The following PAN3 variants were observed in gnomAD, a reference collection of about 807,000 sequenced individuals.
PAN3 encodes PAN2-PAN3 deadenylation complex subunit PAN3.
Under a neutral mutation model 96.2 loss-of-function variants are expected in PAN3, and 19 were observed. That is an observed-to-expected ratio of 0.20 (90% CI 0.14 to 0.29). PAN3 has a LOEUF of 0.29. PAN3 is among the 10% of genes least tolerant of loss of function. PAN3 has a pLI of 1.00. For missense variants in PAN3, 882 were observed against 1,108.1 expected, an observed-to-expected ratio of 0.80 and a Z score of 2.90; for synonymous variants, 433 against 406.6, an observed-to-expected ratio of 1.06 and a Z score of -0.78.
At chr13:28,160,203 A>G (rs946847444) in intron 1 of PAN3, among the ~76,000 whole-genome samples, 4 of 152,104 alleles carry the variant, frequency 2.6e-5, no homozygotes, top group African/African-American at 9.7e-5. Context: ...CCCCCTCCCA[A>G]AGTGTTGGGA....
At chr13:28,248,056 A>G (rs1021021900) in intron 6 of PAN3, among the ~76,000 whole-genome samples, 1 of 152,054 alleles carries the variant, frequency 6.6e-6, no homozygotes, top group African/African-American at 2.4e-5. Flanking sequence ...TGAGCATGGG[A>G]TATGTTTCAC....
At chr13:28,272,164 T>C in intron 14 of PAN3, 93 bp downstream of exon 14, 1 of 862,782 alleles carries the variant, frequency 1.2e-6, no homozygotes, top group Non-Finnish European at 1.7e-6. Context: ...TAAGCCTAGA[T>C]TTTAATTTAT....
chr13:28,284,215 TTATGTTC>T (rs1284538668), intron 17 of PAN3, among the ~76,000 whole-genome samples: 1 of 152,160 alleles, frequency 6.6e-6, no homozygotes, highest in Non-Finnish European at 1.5e-5. Flanking sequence ...AAATGCAGTT[TTATGTTC>T]TATGTACTCT....
intron 12 of PAN3, 116 bp downstream of exon 12, chr13:28,267,517 T>A: frequency 1.2e-6 from 1 of 843,116 alleles, no homozygotes; most frequent in Non-Finnish European, 1.8e-6. Flanking sequence ...GTTTAAAGAC[T>A]CTATTACATT....
intron 5 of PAN3, 109 bp from the exon 6 acceptor site, chr13:28,220,122 A>G (rs1881245242): frequency 1.9e-6 from 2 of 1,061,612 alleles, no homozygotes. Context: ...TAATCCTTTC[A>G]ATAATATATT....
chr13:28,224,335 CTGTA>C (rs1881767589), intron 6 of PAN3, among the ~76,000 whole-genome samples: 1 of 152,158 alleles, frequency 6.6e-6, no homozygotes, highest in South Asian at 2.1e-4. Context: ...TTGAAAGTGA[CTGTA>C]AGTGCAGCAG....
At chr13:28,217,850 T>TA (rs397701068) in intron 5 of PAN3, among the ~76,000 whole-genome samples, 14 of 151,604 alleles carry the variant, frequency 9.2e-5, no homozygotes, top group Admixed American at 4.6e-4. Flanking sequence ...TAGTTTTTTT[T>TA]ATTTCTATTT....
rs752637077 is a variant in PAN3 at position 28,280,494 on chromosome 13, G to A, written c.2272G>A (p.Asp758Asn). 3 of 1,613,344 alleles carry A rather than the reference G, an allele frequency of 1.9e-6. No individual in the cohort carries two copies. The highest frequency in any genetic ancestry group is 2.5e-6 in the Non-Finnish European group (3 of 1,179,804). Residue 758 changes from aspartate (D) to asparagine (N), a missense_variant, in exon 16 of 19, where the codon GAT becomes AAT. Coordinates refer to ENST00000380958, the MANE Select transcript of PAN3 (RefSeq NM_175854.8). ...MIGARFYTQL[D>N]AAQMRNDVIE... ...TGGTGCTCGATTTTATACTCAATTG[G>A]ATGCTGCTCAAATGAGAAATGATGT...
At chr13:28,215,057 T>A in intron 5 of PAN3, 1 of 1,061,302 alleles carries the variant, frequency 9.4e-7, no homozygotes, top group Non-Finnish European at 1.4e-6. Flanking sequence ...TTAATAAAAT[T>A]GGCTACAATC....
chr13:28,226,272 C>T lies in PAN3; in HGVS notation c.1000+5894C>T, dbSNP rs190928754. Among the ~76,000 whole-genome samples the T allele has an allele frequency of 5.3e-5, 8 of 152,206 alleles. No individual in the cohort carries two copies. The East Asian group carries it at 1.5e-3, about 29-fold the overall frequency. ...CCATATTTATATGGTTCTTAAATAT[C>T]ACCAGTTTTAATAAACATAACAGAT... On this transcript the variant is annotated intron_variant, in intron 6 of 18. Transcript: ENST00000380958.
At chr13:28,241,536 G>T (rs762536453) in intron 6 of PAN3, among the ~76,000 whole-genome samples, 1 of 152,174 alleles carries the variant, frequency 6.6e-6, no homozygotes, top group Non-Finnish European at 1.5e-5. Context: ...AGTGGTGGTG[G>T]CAGGGGTGGG....
Position 28,197,247 on chromosome 13 carries a change from A to G in PAN3, c.753A>G (p.Arg251=), listed in dbSNP as rs1391455194. 6.2e-7 allele frequency: 1 copy of G among 1,613,542 alleles called. No individual in the cohort carries two copies. Among genetic ancestry groups the G allele is most frequent in the East Asian group, 2.2e-5 (1 of 44,838 alleles). Residue 251 remains arginine (R), a synonymous_variant, in exon 5 of 19, where the codon CGA becomes CGG. Coordinates refer to ENST00000380958, the MANE Select transcript of PAN3 (RefSeq NM_175854.8). ...TAGTTCCGATGGGATCAAAGGCACG[A>G]AAAGCAAAGAACCCTATTGGCTGCC... ...ERLVPMGSKA[R]KAKNPIGCLA...
intron 10 of PAN3, 85 bp from the exon 11 acceptor site, chr13:28,267,010 A>T: frequency 7.3e-7 from 1 of 1,376,996 alleles, no homozygotes; most frequent in Admixed American, 2.2e-5. Context: ...AGCAATGTAT[A>T]AATATGGCAA....
chr13:28,185,824 G>A (rs1422099538), intron 4 of PAN3, among the ~76,000 whole-genome samples: 1 of 152,156 alleles, frequency 6.6e-6, no homozygotes, highest in East Asian at 1.9e-4. Flanking sequence ...CTACAAACTA[G>A]TAGATCATTC....
Position 28,271,168 on chromosome 13 carries a change from A to G in PAN3, c.1958+302A>G, listed in dbSNP as rs1301111125. Among the ~76,000 whole-genome samples the G allele has an allele frequency of 2.6e-5, 4 of 152,220 alleles. No homozygotes were observed. In the East Asian group the frequency reaches 7.7e-4, roughly 29 times the overall value. Reference sequence around the variant, plus strand: ...TGTAGCACCATGGTTCACAAATTCTAGCATGAATCAGAATCACCTGGAGGA... The same window carrying G: ...TGTAGCACCATGGTTCACAAATTCTGGCATGAATCAGAATCACCTGGAGGA... On this transcript the variant is annotated intron_variant, in intron 13 of 18. Transcript: ENST00000380958.
chr13:28,242,674 G>T lies in PAN3; in HGVS notation c.1001-13618G>T, dbSNP rs371024859. ...GGCTGTTGATGTATGAGAGGAAGGA[G>T]AAGCTTTTTTGATGTGTGGGTACAT... On this transcript the variant is annotated intron_variant, in intron 6 of 18. Transcript: ENST00000380958. Among the ~76,000 whole-genome samples, 3 of 152,276 alleles carry T rather than the reference G, an allele frequency of 2.0e-5. No individual in the cohort carries two copies. In the East Asian group the frequency reaches 5.8e-4, roughly 29 times the overall value.
At chr13:28,216,141 CAACTT>C (rs896504811) in intron 5 of PAN3, among the ~76,000 whole-genome samples, 2 of 145,584 alleles carry the variant, frequency 1.4e-5, no homozygotes, top group African/African-American at 2.6e-5. Flanking sequence ...TTAATGGAAA[CAACTT>C]GACCGAAATT....
intron 4 of PAN3, among the ~76,000 whole-genome samples, chr13:28,192,312 T>C (rs1463270885): frequency 1.4e-5 from 2 of 148,062 alleles, no homozygotes; most frequent in East Asian, 4.1e-4. Context: ...TCATGATCCG[T>C]TCGCCTCAGC....
At chr13:28,289,882 A>G (rs1213642532) in intron 18 of PAN3, among the ~76,000 whole-genome samples, 1 of 149,776 alleles carries the variant, frequency 6.7e-6, no homozygotes, top group East Asian at 2.0e-4. Context: ...ACTCCGTCTC[A>G]AAAAAAAAAG....
Sources: gnomAD v4.1 joint callset for allele counts (sites outside exome capture counted in the v4.1 genomes callset) on GRCh38, gnomAD v4.1.1 for gene constraint, MANE v1.5 for transcripts, NCBI Gene and HGNC (gene_info 2026-07-23, HGNC 2026-07-21) for gene names.